Variants in LHPP observed in about 807,000 individuals in gnomAD.
LHPP encodes the protein phospholysine phosphohistidine inorganic pyrophosphate phosphatase.
A neutral mutation model predicts 30.3 loss-of-function variants in LHPP; 24 were observed. The ratio of observed to expected loss-of-function variants is 0.79; its 90% CI spans 0.57 to 1.11. LHPP has a LOEUF of 1.11. Ranked by LOEUF, LHPP falls within the 50% of genes most tolerant of loss-of-function variation. The pLI, the probability that LHPP is intolerant of heterozygous loss-of-function variation, is 0.00. For missense variants in LHPP, 356 were observed against 367.2 expected (o/e 0.97, Z 0.25); for synonymous variants, 150 against 157.1 (o/e 0.95, Z 0.34).
At chr10:124,462,189 G>A (rs1200102451) in intron 1 of LHPP, among the ~76,000 whole-genome samples, 1 of 152,214 alleles carries the variant, frequency 6.6e-6, no homozygotes, top group Non-Finnish European at 1.5e-5. Flanking sequence ...GGACTCTGCT[G>A]GTTAGGGCTG....
intron 1 of LHPP, among the ~76,000 whole-genome samples, chr10:124,475,369 A>G (rs1209830005): frequency 1.3e-5 from 2 of 151,674 alleles, no homozygotes; most frequent in East Asian, 4.0e-4. Flanking sequence ...GTGAAACCCC[A>G]TCTCTACTAA....
chr10:124,594,823 GTTTC>G (rs1290715731), intron 6 of LHPP, among the ~76,000 whole-genome samples: 5 of 151,960 alleles, frequency 3.3e-5, no homozygotes, highest in African/African-American at 1.2e-4. Context: ...GTAGAGAGGG[GTTTC>G]ACCATGTTGG....
chr10:124,515,141 G>A (rs896152732), intron 5 of LHPP, among the ~76,000 whole-genome samples: 1 of 152,150 alleles, frequency 6.6e-6, no homozygotes, highest in African/African-American at 2.4e-5. Context: ...TGTACATCAG[G>A]CCGCTTGAAG....
intron 1 of LHPP, among the ~76,000 whole-genome samples, chr10:124,466,794 T>A (rs1564763192): frequency 1.3e-5 from 2 of 152,058 alleles, no homozygotes; most frequent in African/African-American, 2.4e-5. Context: ...TATGTGAATG[T>A]GTTTTCTATT....
At chr10:124,598,596 C>T (rs1425549795) in intron 6 of LHPP, among the ~76,000 whole-genome samples, 2 of 151,732 alleles carry the variant, frequency 1.3e-5, no homozygotes, top group African/African-American at 4.8e-5. Context: ...AGGGCCAGCA[C>T]GAGGAATTGC....
At chr10:124,555,764 A>G (rs921900316) in intron 6 of LHPP, among the ~76,000 whole-genome samples, 2 of 152,218 alleles carry the variant, frequency 1.3e-5, no homozygotes, top group African/African-American at 2.4e-5. Context: ...AAAAAATTCA[A>G]TATAATAGTT....
chr10:124,484,120 T>C lies in LHPP; in HGVS notation c.126-19T>C. ...ACTCCACGTGCTGACTTCCCGGGCCTGTGTCTCCCCTGCCGCAGACTGAAG... is the reference window on the plus strand; with the variant it reads ...ACTCCACGTGCTGACTTCCCGGGCCCGTGTCTCCCCTGCCGCAGACTGAAG... On this transcript the variant is annotated intron_variant, in intron 1 of 6. Transcript: ENST00000368842. 1 of 1,611,208 alleles carries C rather than the reference T, an allele frequency of 6.2e-7. No homozygotes were observed.
In LHPP at chr10:124,513,340, A is replaced by T. The variant is rs540554549; in HGVS notation, c.625-3840A>T. ...CTCCCACAGTGCTGGAATTACAGGC[A>T]TGAGTCACTGCGCCCAGCTTTTAAT... On this transcript the variant is annotated intron_variant, in intron 5 of 6. Transcript: ENST00000368842. Among the ~76,000 whole-genome samples the T allele has an allele frequency of 5.9e-5, 9 of 151,774 alleles. No homozygotes were observed. In the East Asian group the frequency reaches 1.7e-3, roughly 29 times the overall value.
At chr10:124,497,559 C>T (rs118135353) in intron 4 of LHPP, among the ~76,000 whole-genome samples, 355 of 152,330 alleles carry the variant, frequency 2.3e-3, no homozygotes, top group Non-Finnish European at 4.2e-3. Context: ...CCATTAGCTG[C>T]CCCAGGTCAG....
chr10:124,529,030 T>C (rs867031474), intron 6 of LHPP, among the ~76,000 whole-genome samples: 51,926 of 120,360 alleles, frequency 0.43, 10,091 homozygotes, highest in East Asian at 0.6. Flanking sequence ...GGGATTCTTT[T>C]TTTTTTTTTT....
At chr10:124,539,408 T>C (rs1955118269) in intron 6 of LHPP, among the ~76,000 whole-genome samples, 1 of 152,162 alleles carries the variant, frequency 6.6e-6, no homozygotes, top group Non-Finnish European at 1.5e-5. Context: ...GCAGATTGCT[T>C]GAGCCCAGGA....
Position 124,590,081 on chromosome 10 carries a change from T to C in LHPP, c.717-23183T>C, listed in dbSNP as rs544228880. On this transcript the variant is annotated intron_variant, in intron 6 of 6. Transcript: ENST00000368842. This position sits in a 1 kb window ranked among gnomAD's most constrained non-coding sequence, Gnocchi z 4.3. Reference sequence around the variant, plus strand: ...ATTGACTGGCTTTGCAGGTTTTTTATCCATCGTTCTTTCCAAAGAATAGTG... The same window carrying C: ...ATTGACTGGCTTTGCAGGTTTTTTACCCATCGTTCTTTCCAAAGAATAGTG... Among the ~76,000 whole-genome samples the C allele has an allele frequency of 1.1e-4, 16 of 152,324 alleles. No homozygotes were observed. Among genetic ancestry groups the C allele is most frequent in the African/African-American group, 3.8e-4 (16 of 41,572 alleles).
intron 6 of LHPP, among the ~76,000 whole-genome samples, chr10:124,530,829 C>A (rs1450623169): frequency 6.6e-6 from 1 of 152,224 alleles, no homozygotes; most frequent in East Asian, 1.9e-4. Flanking sequence ...GGGCCGAGGG[C>A]CACCATCAGA....
At chr10:124,482,290 CTA>C (rs1033582984) in intron 1 of LHPP, among the ~76,000 whole-genome samples, 1 of 152,196 alleles carries the variant, frequency 6.6e-6, no homozygotes, top group African/African-American at 2.4e-5. Flanking sequence ...TCATTTAACA[CTA>C]TTGCTTAGGT....
intron 5 of LHPP, among the ~76,000 whole-genome samples, chr10:124,502,236 A>G (rs1953924551): frequency 6.6e-6 from 1 of 151,906 alleles, no homozygotes; most frequent in Non-Finnish European, 1.5e-5. Flanking sequence ...CATCCCACTC[A>G]TGGCTTTCTG....
Sources: allele counts gnomAD v4.1 joint callset (sites outside exome capture counted in the v4.1 genomes callset), GRCh38; gene constraint gnomAD v4.1.1; non-coding constraint Gnocchi (gnomAD v3.1); transcripts MANE v1.5; gene names NCBI Gene and HGNC (gene_info 2026-07-23, HGNC 2026-07-21).